KLHL18: variants seen among roughly 807,000 people sequenced by gnomAD.
KLHL18 encodes kelch like family member 18.
KLHL18 carries 38 observed loss-of-function variants against 58.5 expected under a neutral mutation model. The observed-to-expected ratio is 0.65, with a 90% CI of 0.50 to 0.85. The LOEUF is 0.85. KLHL18 is among the 40% of genes least tolerant of loss of function. The pLI, the probability that KLHL18 is intolerant of heterozygous loss-of-function variation, is 0.00. For synonymous variants in KLHL18, 303 were observed against 301.9 expected, an observed-to-expected ratio of 1.00 and a Z score of -0.04; for missense variants, 624 against 778.4, an observed-to-expected ratio of 0.80 and a Z score of 2.36.
chr3:47,326,547 T>C (rs923118046), intron 3 of KLHL18, among the ~76,000 whole-genome samples: 9 of 152,128 alleles, frequency 5.9e-5, no homozygotes, highest in African/African-American at 2.2e-4. Context: ...CTCCTTCCTT[T>C]TCCCCCACTA....
rs1283868453 is a variant in KLHL18 at position 47,344,043 on chromosome 3, G to A, written c.*102G>A. ...GAGGCAGTGGACCAGAAGAGATGGC[G>A]AAACGTGAGCTCGCCGGAGGTACAG... On this transcript the variant is annotated 3_prime_UTR_variant, in exon 10 of 10. Coordinates refer to ENST00000232766, the MANE Select transcript of KLHL18 (RefSeq NM_025010.5). 1.4e-6 allele frequency: 2 copies of A among 1,456,924 alleles called. No homozygotes were observed. The highest frequency in any genetic ancestry group is 2.2e-5 in the Admixed American group (1 of 44,990). The allele number at this position is 1,456,924 out of a possible 1,614,324, so 90.2% of individuals were successfully genotyped here.
chr3:47,308,387 A>G (rs1401767456), intron 1 of KLHL18, among the ~76,000 whole-genome samples: 2 of 152,006 alleles, frequency 1.3e-5, no homozygotes, highest in African/African-American at 4.8e-5. Context: ...GTCAATATGT[A>G]GTTTTTCTTT....
At position 47,343,647 on chromosome 3, in the gene KLHL18, C is replaced by T; in HGVS notation, c.1431C>T (p.Ser477=). 1 of 1,614,138 alleles carries T rather than the reference C, an allele frequency of 6.2e-7. No individual in the cohort carries two copies. The highest frequency in any genetic ancestry group is 8.5e-7 in the Non-Finnish European group (1 of 1,180,032). The stretch of plus-strand genomic sequence containing the variant: ...GGCACGGAGCCGCCTCCCTGGGGAG[C>T]AAGATGTTTGTCTGCGGGGGCTACG... The part of the protein sequence containing the change: ...RCRHGAASLG[S]KMFVCGGYDG... Residue 477 remains serine, a synonymous_variant, in exon 10 of 10, where the codon AGC becomes AGT. Coordinates refer to ENST00000232766, the MANE Select transcript of KLHL18 (RefSeq NM_025010.5).
chr3:47,333,393 T>C (rs182583297), intron 5 of KLHL18, 76 bp downstream of exon 5: 4 of 1,417,164 alleles, frequency 2.8e-6, no homozygotes, highest in Non-Finnish European at 3.9e-6. Context: ...CTGTTCCAGT[T>C]CTGGAAAGAA....
chr3:47,329,211 T>TTG (rs56884923), intron 3 of KLHL18, among the ~76,000 whole-genome samples: 2 of 141,074 alleles, frequency 1.4e-5, no homozygotes, highest in East Asian at 2.1e-4. Flanking sequence ...GTGTTTTTTT[T>TTG]GTTGTTGTTT....
At chr3:47,288,721 T>G (rs1188293854) in intron 1 of KLHL18, among the ~76,000 whole-genome samples, 1 of 152,234 alleles carries the variant, frequency 6.6e-6, no homozygotes, top group Non-Finnish European at 1.5e-5. Context: ...AATCACATTC[T>G]GTATCTCCCA....
chr3:47,342,591 G>A lies in KLHL18; in HGVS notation c.1227-128G>A, dbSNP rs1393239356. On this transcript the variant is annotated intron_variant, in intron 8 of 9. Transcript: ENST00000232766. Reference sequence around the variant, plus strand: ...GCAGCCAGGGAGAACTGTCAGAGAGGTGGTGGGAGAGGTGATAAGAGATGG... The same window carrying A: ...GCAGCCAGGGAGAACTGTCAGAGAGATGGTGGGAGAGGTGATAAGAGATGG... The A allele has an allele frequency of 4.3e-6, 3 of 700,260 alleles. No individual in the cohort carries two copies. The African/African-American group carries it at 5.3e-5, about 12-fold the overall frequency. The allele number at this position is 700,260 out of a possible 1,614,324, so 43.4% of individuals were successfully genotyped here.
chr3:47,343,403 C>T lies in KLHL18; in HGVS notation c.1339-152C>T, dbSNP rs1262353809. The T allele has an allele frequency of 5.8e-6, 5 of 861,384 alleles. No individual in the cohort carries two copies. In the East Asian group the frequency reaches 1.3e-4, roughly 22 times the overall value. The allele number at this position is 861,384 out of a possible 1,614,324, so 53.4% of individuals were successfully genotyped here. A position where few individuals can be genotyped will look rare whatever the true frequency, so the allele number is the denominator to read the frequency against. On this transcript the variant is annotated intron_variant, in intron 9 of 9. Coordinates refer to ENST00000232766, the MANE Select transcript of KLHL18 (RefSeq NM_025010.5). ...TGTCCCCATACACCAAAGAGCAGGC[C>T]TGCAGCAGAGGGAATACTGGGAGAG... is the stretch of plus-strand genomic sequence containing the variant.
intron 1 of KLHL18, among the ~76,000 whole-genome samples, chr3:47,314,096 G>A (rs1703368861): frequency 6.6e-6 from 1 of 151,944 alleles, no homozygotes; most frequent in African/African-American, 2.4e-5. Context: ...GGAGTGCAGT[G>A]ACAATTATAG....
At chr3:47,315,365 A>G (rs1182966890) in intron 1 of KLHL18, among the ~76,000 whole-genome samples, 2 of 152,212 alleles carry the variant, frequency 1.3e-5, no homozygotes. Context: ...GTTTAGTCTT[A>G]GATACTGAAC....
At chr3:47,330,228 T>C in intron 4 of KLHL18, 79 bp downstream of exon 4, 4 of 1,333,390 alleles carry the variant, frequency 3.0e-6, no homozygotes, top group Non-Finnish European at 4.2e-6. Context: ...TATGTATTTT[T>C]TTACAAAGTT....
intron 3 of KLHL18, among the ~76,000 whole-genome samples, chr3:47,326,931 G>GA (rs967876480): frequency 2.7e-4 from 37 of 138,878 alleles, no homozygotes; most frequent in South Asian, 9.2e-4. Flanking sequence ...CAAAAAAAAA[G>GA]AAAAAAAAAA....
intron 1 of KLHL18, among the ~76,000 whole-genome samples, chr3:47,293,799 C>A (rs941284210): frequency 3.9e-5 from 6 of 152,184 alleles, no homozygotes; most frequent in African/African-American, 1.4e-4. Context: ...AAAGTGAACA[C>A]CCTTGCCCAT....
intron 1 of KLHL18, among the ~76,000 whole-genome samples, chr3:47,297,158 TC>T (rs1456298372): frequency 6.6e-6 from 1 of 152,212 alleles, no homozygotes; most frequent in Non-Finnish European, 1.5e-5. Flanking sequence ...AGTGGGGCAC[TC>T]TAAAGCAGAG....
intron 3 of KLHL18, among the ~76,000 whole-genome samples, chr3:47,326,163 G>A (rs1445781467): frequency 6.6e-6 from 1 of 152,040 alleles, no homozygotes; most frequent in Admixed American, 6.6e-5. Flanking sequence ...GGCCAGGCTG[G>A]TCTTGATCTC....
At chr3:47,321,784 G>A (rs1703595840) in intron 2 of KLHL18, among the ~76,000 whole-genome samples, 2 of 152,174 alleles carry the variant, frequency 1.3e-5, no homozygotes, top group African/African-American at 4.8e-5. Flanking sequence ...ATTTTCAGGT[G>A]ATCAGGGAAG....
rs915439818 is a variant in KLHL18, at chr3:47,346,763, T to C, written c.*2822T>C. 5 of 152,660 alleles carry C rather than the reference T, an allele frequency of 3.3e-5. No homozygotes were observed. Among genetic ancestry groups the C allele is most frequent in the Non-Finnish European group, 5.9e-5 (4 of 68,044 alleles). The allele number at this position is 152,660 out of a possible 1,614,324, so 9.5% of individuals were successfully genotyped here. On this transcript the variant is annotated 3_prime_UTR_variant, in exon 10 of 10. Transcript: ENST00000232766. ...ATCTTAGTTCCTTTTATTTATAGAA[T>C]GCATGTCTTTTGTGTTAAGAAACCA...
rs1401982282 is a variant in KLHL18, at chr3:47,344,573, C to T, written c.*632C>T. ...TGGGATTTCAGTGAGGCCTTTTGAT[C>T]TGTCCAGGAGAACAGAAGGGAAAAA... On this transcript the variant is annotated 3_prime_UTR_variant, in exon 10 of 10. Coordinates refer to ENST00000232766, the MANE Select transcript of KLHL18 (RefSeq NM_025010.5). 1 of 135,514 alleles carries T rather than the reference C, an allele frequency of 7.4e-6. No homozygotes were observed. The highest frequency in any genetic ancestry group is 1.6e-5 in the Non-Finnish European group (1 of 61,846). 8.4% of individuals were successfully genotyped at this position (135,514 alleles called of 1,614,324 possible).
chr3:47,342,395 A>G (rs1204585925), intron 8 of KLHL18, among the ~76,000 whole-genome samples: 1 of 152,202 alleles, frequency 6.6e-6, no homozygotes, highest in Non-Finnish European at 1.5e-5. Flanking sequence ...AATAGCACTG[A>G]GCTTTATAAG....
Sources: allele counts gnomAD v4.1 joint callset (sites outside exome capture counted in the v4.1 genomes callset), GRCh38; gene constraint gnomAD v4.1.1; transcripts MANE v1.5; gene names NCBI Gene and HGNC (gene_info 2026-07-23, HGNC 2026-07-21).